Variants in CASK observed in about 807,000 individuals in gnomAD.
CASK encodes the protein peripheral plasma membrane protein CASK.
In CASK, 4 loss-of-function variants were observed where a neutral mutation model predicts 82.9. The observed-to-expected ratio is 0.05, with a 90% CI of 0.02 to 0.11. The LOEUF (loss-of-function observed/expected upper bound fraction) is 0.11, where lower values mean the gene tolerates loss of function less well. CASK is among the 10% of genes least tolerant of loss of function. CASK has a pLI of 1.00. For synonymous variants in CASK, 259 were observed against 253.5 expected, an observed-to-expected ratio of 1.02 and a Z score of -0.20; for missense variants, 358 against 720.9, an observed-to-expected ratio of 0.50 and a Z score of 5.76.
intron 11 of CASK, among the ~76,000 whole-genome samples, chrX:41,618,820 A>AATTTCTTT (rs2066240803): frequency 9.5e-6 from 1 of 105,377 alleles, no homozygotes; most frequent in African/African-American, 3.5e-5. Context: ...GGTGATGTCC[A>AATTTCTTT]ATTTCTTTTT....
At chrX:41,800,391 G>A (rs921787912) in intron 2 of CASK, among the ~76,000 whole-genome samples, 2 of 111,339 alleles carry the variant, frequency 1.8e-5, no homozygotes, top group African/African-American at 6.5e-5. Flanking sequence ...CTATAGTGCA[G>A]AGATTCTGCT....
At position 41,711,840 on chromosome X, in the gene CASK, G is replaced by C. The variant is rs745880681; in HGVS notation, c.429+27544C>G. On this transcript the variant is annotated intron_variant, in intron 5 of 26. Coordinates refer to ENST00000378163, the MANE Select transcript of CASK (RefSeq NM_001367721.1). ...AGAGAGACAAACCACCCGACTGCAGGGGTGGGGGGGCCACCCGTGTCCCCT... is the reference window on the plus strand; with the variant it reads ...AGAGAGACAAACCACCCGACTGCAGCGGTGGGGGGGCCACCCGTGTCCCCT... Among the ~76,000 whole-genome samples the C allele has an allele frequency of 1.2e-4, 14 of 112,071 alleles. No individual in the cohort carries two copies. In the South Asian group the frequency reaches 4.9e-3, roughly 39 times the overall value.
chrX:41,770,413 T>C (rs1055269593), intron 3 of CASK, among the ~76,000 whole-genome samples: 31 of 110,206 alleles, frequency 2.8e-4, no homozygotes, highest in African/African-American at 1.0e-3. Flanking sequence ...TGGCTGGCTA[T>C]CTATCTATTT....
At chrX:41,539,110 A>G (rs1411130119) in intron 22 of CASK, among the ~76,000 whole-genome samples, 3 of 112,031 alleles carry the variant, frequency 2.7e-5, no homozygotes, top group African/African-American at 9.7e-5. Flanking sequence ...AAACTTAAAC[A>G]CTGTGTGTGT....
At chrX:41,635,162 G>A in intron 9 of CASK, among the ~76,000 whole-genome samples, 1 of 111,484 alleles carries the variant, frequency 9.0e-6, no homozygotes, top group African/African-American at 3.3e-5. Flanking sequence ...AGTGTGACTG[G>A]GAAACTGACC....
chrX:41,915,732 G>C (rs1569482520), intron 1 of CASK, among the ~76,000 whole-genome samples: 1 of 110,213 alleles, frequency 9.1e-6, no homozygotes, highest in Non-Finnish European at 1.9e-5. Context: ...GCTCACGCCT[G>C]TAATCCCAGC....
intron 8 of CASK, among the ~76,000 whole-genome samples, chrX:41,655,003 A>C (rs1157962676): frequency 1.4e-4 from 15 of 105,149 alleles, no homozygotes; most frequent in Non-Finnish European, 2.5e-4. Context: ...TTTTTTTTTT[A>C]AACAAGAAAG....
At chrX:41,630,748 T>A in intron 9 of CASK, among the ~76,000 whole-genome samples, 1 of 111,677 alleles carries the variant, frequency 9.0e-6, no homozygotes, top group Non-Finnish European at 1.9e-5. Flanking sequence ...ATTTGAAAGA[T>A]AATCATCCTA....
Position 41,545,077 on chromosome X carries a change from G to A in CASK, c.2040-2271C>T, listed in dbSNP as rs751579387. 8.2e-5 allele frequency among the ~76,000 whole-genome samples: 9 copies of A among 110,000 alleles called. No individual in the cohort carries two copies. In the South Asian group the frequency reaches 3.5e-3, roughly 43 times the overall value. ...TTCTCCTTGTGATGCCCAGGCTGGA[G>A]TGCAGTGGTGCAATCTCGGCTCACT... On this transcript the variant is annotated intron_variant, in intron 21 of 26. Transcript: ENST00000378163.
chrX:41,777,902 C>T (rs1234986583), intron 3 of CASK, among the ~76,000 whole-genome samples: 1 of 111,209 alleles, frequency 9.0e-6, no homozygotes. Flanking sequence ...AATCAAGGGG[C>T]GTGAACAAGT....
chrX:41,559,840 A>T lies in CASK; in HGVS notation c.1676T>A (p.Met559Lys). 5.8e-6 allele frequency: 7 copies of T among 1,206,371 alleles called. No homozygotes were observed. Among genetic ancestry groups the T allele is most frequent in the Non-Finnish European group, 7.9e-6 (7 of 890,850 alleles). ...VEQLQKMLRE[M>K]RGSITFKIVP... ...AATCTTGAAGGTAATACTCCCCCGC[A>T]TTTCCCTCTGGAGGGGGGGTGGTGG... The change falls in exon 18 of 27, where the codon ATG (methionine) becomes AAG (lysine). Residue 559 changes from methionine to lysine, a missense_variant. This residue lies in a region of CASK where 110 missense variants were observed against 218.8 expected (regional missense o/e 0.50). Transcript: ENST00000378163.
intron 1 of CASK, among the ~76,000 whole-genome samples, chrX:41,877,847 A>G (rs2071857548): frequency 9.0e-6 from 1 of 111,344 alleles, no homozygotes; most frequent in African/African-American, 3.3e-5. Context: ...TATAGCACAA[A>G]GGTATAGACA....
rs771670933 is a variant in CASK, at chrX:41,596,143, C to T, written c.1156-6551G>A. On this transcript the variant is annotated intron_variant, in intron 12 of 26. Coordinates refer to ENST00000378163, the MANE Select transcript of CASK (RefSeq NM_001367721.1). The stretch of plus-strand genomic sequence containing the variant: ...CCGAGAGGTGGAGGTTAAGGTGAGC[C>T]GAGATCACACCACTGCACTCCAGCC... Among the ~76,000 whole-genome samples the T allele has an allele frequency of 1.2e-3, 121 of 101,876 alleles. 1 individual carries two copies. Among genetic ancestry groups the T allele is most frequent in the Admixed American group, 4.3e-3 (40 of 9,272 alleles). 88.5% of individuals were successfully genotyped at this position (101,876 alleles called of 115,157 possible).
chrX:41,838,747 G>A (rs1055209886), intron 2 of CASK, among the ~76,000 whole-genome samples: 5 of 109,790 alleles, frequency 4.6e-5, no homozygotes, highest in African/African-American at 1.3e-4. Flanking sequence ...GCGACAGAGC[G>A]AGACTCTGTC....
intron 5 of CASK, among the ~76,000 whole-genome samples, chrX:41,734,076 C>T (rs2068455516): frequency 1.8e-5 from 2 of 111,845 alleles, no homozygotes; most frequent in Non-Finnish European, 3.8e-5. Flanking sequence ...GAAGCACACT[C>T]AGAAACACTC....
intron 1 of CASK, among the ~76,000 whole-genome samples, chrX:41,889,353 G>C (rs1276192775): frequency 9.1e-6 from 1 of 109,857 alleles, no homozygotes; most frequent in Admixed American, 9.7e-5. Flanking sequence ...TTGCAGGAGT[G>C]AGGTGGTATT....
intron 1 of CASK, among the ~76,000 whole-genome samples, chrX:41,855,373 A>G (rs1418787232): frequency 8.9e-6 from 1 of 111,842 alleles, no homozygotes; most frequent in Non-Finnish European, 1.9e-5. Flanking sequence ...TCCGTCAATG[A>G]CATCCAGGGG....
chrX:41,575,045 T>C (rs2065467241), intron 15 of CASK, among the ~76,000 whole-genome samples: 1 of 112,320 alleles, frequency 8.9e-6, no homozygotes, highest in Admixed American at 9.4e-5. Flanking sequence ...CTAAGAAAAG[T>C]GTTCCTGGAA....
At chrX:41,777,850 C>A (rs1487957342) in intron 3 of CASK, among the ~76,000 whole-genome samples, 2 of 111,739 alleles carry the variant, frequency 1.8e-5, no homozygotes, top group Non-Finnish European at 3.8e-5. Context: ...CTCTTTTACC[C>A]AGTTATTCTA....
Sources: allele counts gnomAD v4.1 joint callset (sites outside exome capture counted in the v4.1 genomes callset), GRCh38; gene constraint gnomAD v4.1.1; regional missense constraint gnomAD v4.1.1; transcripts MANE v1.5; gene names NCBI Gene and HGNC (gene_info 2026-07-23, HGNC 2026-07-21).